Variants in IQCM observed in about 807,000 individuals in gnomAD.
IQCM encodes IQ domain-containing protein M.
IQCM carries 45 observed loss-of-function variants against 57.6 expected under a neutral mutation model. That is an observed-to-expected ratio of 0.78 (90% CI 0.62 to 1.00). IQCM has a LOEUF of 1.00. IQCM is among the 50% of genes least tolerant of loss of function. The pLI is 0.00. For missense variants in IQCM, 468 were observed against 511.6 expected (o/e 0.91, Z 0.82); for synonymous variants, 148 against 158.9 (o/e 0.93, Z 0.51).
chr4:149,442,922 C>T (rs1736092495), intron 12 of IQCM, among the ~76,000 whole-genome samples: 1 of 143,612 alleles, frequency 7.0e-6, no homozygotes, highest in East Asian at 2.1e-4. Context: ...GGCTATCTCT[C>T]AATACACACA....
chr4:149,756,126 G>T lies in IQCM; in HGVS notation c.-48-13387C>A, dbSNP rs910433443. ...TATTATAGCATCTAGCTTTATCTTA[G>T]CTTATATATTCACTCCCTAGACTGC... On this transcript the variant is annotated intron_variant, in intron 2 of 13. Coordinates refer to ENST00000636793, the MANE Select transcript of IQCM (RefSeq NM_001363507.2). Among the ~76,000 whole-genome samples, 3 of 152,054 alleles carry T rather than the reference G, an allele frequency of 2.0e-5. No homozygotes were observed. In the South Asian group the frequency reaches 6.2e-4, roughly 32 times the overall value.
intron 12 of IQCM, among the ~76,000 whole-genome samples, chr4:149,447,585 C>T (rs1455138459): frequency 6.6e-6 from 1 of 151,404 alleles, no homozygotes; most frequent in Non-Finnish European, 1.5e-5. Context: ...CCAGTGAAAA[C>T]TCTGCAAATG....
chr4:149,485,809 A>G (rs1560901299), intron 12 of IQCM, among the ~76,000 whole-genome samples: 2 of 152,034 alleles, frequency 1.3e-5, no homozygotes, highest in Admixed American at 6.5e-5. Flanking sequence ...TTGGGTATCT[A>G]TTGTAGTCTT....
At chr4:149,427,726 C>A (rs1189670764) in intron 13 of IQCM, among the ~76,000 whole-genome samples, 1 of 151,876 alleles carries the variant, frequency 6.6e-6, no homozygotes, top group Non-Finnish European at 1.5e-5. Context: ...GCCATGTAAA[C>A]ATAAAACATT....
intron 13 of IQCM, among the ~76,000 whole-genome samples, chr4:149,389,952 G>GTA (rs1731728723): frequency 2.0e-5 from 3 of 151,682 alleles, no homozygotes; most frequent in Admixed American, 6.6e-5. Flanking sequence ...TTCTATTTTT[G>GTA]GTCCCTTGTA....
chr4:149,729,463 T>G (rs1173526416), intron 5 of IQCM, among the ~76,000 whole-genome samples: 2 of 56,408 alleles, frequency 3.5e-5, no homozygotes, highest in African/African-American at 1.8e-4. Context: ...TTTTTGTTGT[T>G]TTTTTTTTTG....
intron 8 of IQCM, among the ~76,000 whole-genome samples, chr4:149,591,863 T>C: frequency 6.6e-6 from 1 of 152,156 alleles, no homozygotes; most frequent in East Asian, 1.9e-4. Context: ...TGATGGACAT[T>C]TGGGTTGGTT....
chr4:149,769,848 T>G (rs534845019), intron 2 of IQCM, among the ~76,000 whole-genome samples: 2 of 151,994 alleles, frequency 1.3e-5, no homozygotes, highest in South Asian at 4.1e-4. Context: ...GGTTGGAAAG[T>G]TGAATATTTC....
In IQCM at chr4:149,687,969, T is replaced by C. The variant is rs988714056; in HGVS notation, c.386-1501A>G. ...ATACCTCAATGTAATAAAAGCCATC[T>C]ATGACAAACCCACAGCCGACATAAT... On this transcript the variant is annotated intron_variant, in intron 5 of 13. Coordinates refer to ENST00000636793, the MANE Select transcript of IQCM (RefSeq NM_001363507.2). 6.6e-5 allele frequency among the ~76,000 whole-genome samples: 10 copies of C among 152,138 alleles called. No individual in the cohort carries two copies. In the East Asian group the frequency reaches 1.9e-3, roughly 29 times the overall value.
intron 7 of IQCM, among the ~76,000 whole-genome samples, chr4:149,657,228 A>AT (rs1561114932): frequency 6.6e-6 from 1 of 151,884 alleles, no homozygotes; most frequent in Non-Finnish European, 1.5e-5. Flanking sequence ...TGATATCGAT[A>AT]TTTTTTTAAG....
At chr4:149,689,473 C>T (rs756266553) in intron 5 of IQCM, among the ~76,000 whole-genome samples, 3 of 151,888 alleles carry the variant, frequency 2.0e-5, no homozygotes, top group South Asian at 2.1e-4. Context: ...CAGCAAACCA[C>T]CATGGCACAT....
intron 12 of IQCM, among the ~76,000 whole-genome samples, chr4:149,456,606 T>C (rs571812342): frequency 8.5e-5 from 13 of 152,206 alleles, no homozygotes; most frequent in Middle Eastern, 6.8e-3. Flanking sequence ...TCTCTACTTG[T>C]AGTGTCATGC....
chr4:149,671,461 TTG>T (rs1475598583), intron 7 of IQCM, among the ~76,000 whole-genome samples: 1 of 152,180 alleles, frequency 6.6e-6, no homozygotes, highest in East Asian at 1.9e-4. Flanking sequence ...AAGGGTTTTT[TTG>T]TGTCTCTATT....
rs151048678 is a variant in IQCM, at chr4:149,461,265, A to T, written c.1229-27708T>A. ...AAAAAAAAAAAAAAAAATTCATCAA[A>T]GTAGTGTTTTACTCCAAACAGCTAA... On this transcript the variant is annotated intron_variant, in intron 12 of 13. Coordinates refer to ENST00000636793, the MANE Select transcript of IQCM (RefSeq NM_001363507.2). Among the ~76,000 whole-genome samples the T allele has an allele frequency of 9.3e-3, 1,417 of 151,678 alleles. 8 individuals carry two copies. Among genetic ancestry groups the T allele is most frequent in the Non-Finnish European group, 0.016 (1,068 of 67,886 alleles).
intron 7 of IQCM, among the ~76,000 whole-genome samples, chr4:149,661,127 T>A (rs923354305): frequency 7.9e-5 from 12 of 152,174 alleles, no homozygotes; most frequent in African/African-American, 2.9e-4. Context: ...TTGAGGTACA[T>A]ATCTTCTATA....
intron 2 of IQCM, among the ~76,000 whole-genome samples, chr4:149,769,790 TAAA>T (rs144751186): frequency 0.12 from 18,744 of 151,914 alleles, 1,324 homozygotes; most frequent in Middle Eastern, 0.17. Context: ...CTACATAAAG[TAAA>T]AACCTAATAA....
chr4:149,782,783 A>T (rs1251747310), intron 2 of IQCM, among the ~76,000 whole-genome samples: 1 of 152,176 alleles, frequency 6.6e-6, no homozygotes, highest in Admixed American at 6.5e-5. Flanking sequence ...CTAGAAGTCT[A>T]ATTAGTGATA....
chr4:149,451,308 T>G (rs1371478831), intron 12 of IQCM, among the ~76,000 whole-genome samples: 1 of 151,798 alleles, frequency 6.6e-6, no homozygotes, highest in Non-Finnish European at 1.5e-5. Context: ...ATAATTTAAT[T>G]GTGCATTTTA....
chr4:149,474,084 C>T (rs1427573540), intron 12 of IQCM, among the ~76,000 whole-genome samples: 1 of 151,470 alleles, frequency 6.6e-6, no homozygotes, highest in Non-Finnish European at 1.5e-5. Context: ...TGTAACAAAC[C>T]TGCACATTGT....
Sources: gnomAD v4.1 joint callset for allele counts (sites outside exome capture counted in the v4.1 genomes callset) on GRCh38, gnomAD v4.1.1 for gene constraint, MANE v1.5 for transcripts, NCBI Gene and HGNC (gene_info 2026-07-23, HGNC 2026-07-21) for gene names.